The following SYNRG variants were observed in gnomAD, a reference collection of about 807,000 sequenced individuals.
SYNRG encodes the protein AP1 gamma subunit binding protein 1.
SYNRG carries 37 observed loss-of-function variants against 130.9 expected under a neutral mutation model. That is an observed-to-expected ratio of 0.28 (90% CI 0.22 to 0.37). SYNRG has a LOEUF of 0.37. Ranked by LOEUF, SYNRG falls within the 10% of genes least tolerant of loss-of-function variation. SYNRG has a pLI of 1.00. For synonymous variants in SYNRG, 539 were observed against 568.1 expected, an observed-to-expected ratio of 0.95 and a Z score of 0.73; for missense variants, 1,338 against 1,588.9, an observed-to-expected ratio of 0.84 and a Z score of 2.68.
rs375397488 is a variant in SYNRG at position 37,518,921 on chromosome 17, T to A, written c.*19A>T. On this transcript the variant is annotated 3_prime_UTR_variant, in exon 22 of 22. Coordinates refer to ENST00000612223, the MANE Select transcript of SYNRG (RefSeq NM_007247.6). ...GGTGTCACAGAAAAAAAAAAGTCAATGCTTCACAGAGGAGTTGTTCAGAGC... is the reference window on the plus strand; with the variant it reads ...GGTGTCACAGAAAAAAAAAAGTCAAAGCTTCACAGAGGAGTTGTTCAGAGC... 6.2e-7 allele frequency: 1 copy of A among 1,601,260 alleles called. No homozygotes were observed. The highest frequency in any genetic ancestry group is 1.3e-5 in the African/African-American group (1 of 74,228).
chr17:37,596,109 A>G (rs545122176), intron 3 of SYNRG, 114 bp downstream of exon 3: 2 of 1,251,830 alleles, frequency 1.6e-6, no homozygotes, highest in African/African-American at 1.5e-5. Flanking sequence ...GAAGGAAGCC[A>G]TTTATTTATG....
At chr17:37,554,247 T>C (rs1226541735) in intron 13 of SYNRG, among the ~76,000 whole-genome samples, 188 bp from the exon 14 acceptor site, 1 of 152,210 alleles carries the variant, frequency 6.6e-6, no homozygotes, top group East Asian at 1.9e-4. Flanking sequence ...CTAGTGATAC[T>C]GAAATAAATA....
intron 12 of SYNRG, 43 bp from the exon 13 acceptor site, chr17:37,561,300 T>C (rs759328624): frequency 3.1e-6 from 5 of 1,595,774 alleles, no homozygotes. Context: ...TTAGGAATCT[T>C]GAAATCACAG....
chr17:37,584,755 CCTGT>C lies in SYNRG; in HGVS notation c.478_481del (p.Thr160GlufsTer12). On this transcript the variant is annotated frameshift_variant and splice_region_variant, in exon 6 of 22. Coordinates refer to ENST00000612223, the MANE Select transcript of SYNRG (RefSeq NM_007247.6). LOFTEE classifies it high-confidence loss of function. ...CAAAGCATCATCTCTACTCTTCTCTCCTGTCTAAGAGACAACAAATATATGCGTA... is the reference window on the plus strand; with the variant it reads ...CAAAGCATCATCTCTACTCTTCTCTCCTAAGAGACAACAAATATATGCGTA... The C allele has an allele frequency of 6.2e-7, 1 of 1,611,026 alleles. No homozygotes were observed. Among genetic ancestry groups the C allele is most frequent in the Non-Finnish European group, 8.5e-7 (1 of 1,177,542 alleles).
intron 21 of SYNRG, among the ~76,000 whole-genome samples, chr17:37,519,365 A>T (rs2054703048): frequency 6.6e-6 from 1 of 152,188 alleles, no homozygotes; most frequent in Admixed American, 6.5e-5. Flanking sequence ...TGATAAGGGG[A>T]ACTGAAGTAG....
Position 37,540,460 on chromosome 17 carries a change from C to T in SYNRG, c.3286G>A (p.Asp1096Asn). 6.2e-7 allele frequency: 1 copy of T among 1,613,958 alleles called. No individual in the cohort carries two copies. Among genetic ancestry groups the T allele is most frequent in the East Asian group, 2.2e-5 (1 of 44,868 alleles). The change falls in exon 16 of 22, where the codon GAC becomes AAC. Residue 1096 changes from aspartate (D) to asparagine (N), a missense_variant. By Grantham distance (23) the Asp-to-Asn change is conservative. Transcript: ENST00000612223. ...PSPALEQPFR[D>N]RSNTLNEKPA... ...TTCTCATTCAGAGTATTGGAACGGTCTCTGAAAGGCTGCTCCAAAGCTGGA... is the reference window on the plus strand; with the variant it reads ...TTCTCATTCAGAGTATTGGAACGGTTTCTGAAAGGCTGCTCCAAAGCTGGA...
chr17:37,530,838 G>C (rs2056558047), intron 19 of SYNRG, among the ~76,000 whole-genome samples: 1 of 152,212 alleles, frequency 6.6e-6, no homozygotes, highest in South Asian at 2.1e-4. Flanking sequence ...TCCTTAGTCA[G>C]GTGGACTGTC....
At chr17:37,565,524 G>A (rs1451727325) in intron 11 of SYNRG, among the ~76,000 whole-genome samples, 3 of 148,982 alleles carry the variant, frequency 2.0e-5, no homozygotes, top group Middle Eastern at 6.5e-3. Context: ...GATGTGAGGA[G>A]CCCCTCTGCC....
Position 37,516,707 on chromosome 17 carries a change from C to T in SYNRG, c.*2233G>A, listed in dbSNP as rs2054452391. ...GAGACAGTGTCTCGCTCTGTCATCA[C>T]CTACGCTGTCACGTGCAGCCTCAAA... On this transcript the variant is annotated 3_prime_UTR_variant, in exon 22 of 22. Coordinates refer to ENST00000612223, the MANE Select transcript of SYNRG (RefSeq NM_007247.6). 6.6e-6 allele frequency: 1 copy of T among 151,022 alleles called. No individual in the cohort carries two copies. The highest frequency in any genetic ancestry group is 6.6e-5 in the Admixed American group (1 of 15,146). The allele number at this position is 151,022 out of a possible 1,614,324, so 9.4% of individuals were successfully genotyped here.
intron 14 of SYNRG, among the ~76,000 whole-genome samples, chr17:37,551,797 A>C (rs531831392): frequency 1.3e-5 from 2 of 151,802 alleles, no homozygotes; most frequent in African/African-American, 4.8e-5. Context: ...AAAAAAAAAA[A>C]ACCAACAAAA....
intron 1 of SYNRG, among the ~76,000 whole-genome samples, chr17:37,603,051 AC>A (rs2063431114): frequency 6.6e-6 from 1 of 152,134 alleles, no homozygotes; most frequent in Admixed American, 6.5e-5. Context: ...ACAAAACAAA[AC>A]AAAGTAGCAA....
Position 37,579,869 on chromosome 17 carries a change from C to T in SYNRG, c.590-2256G>A, listed in dbSNP as rs2061150904. Among the ~76,000 whole-genome samples, 4 of 152,074 alleles carry T rather than the reference C, an allele frequency of 2.6e-5. No individual in the cohort carries two copies. The South Asian group carries it at 8.3e-4, about 32-fold the overall frequency. Reference sequence around the variant, plus strand: ...AGGAATATAGGCACATGCCAGCATACCCAGCTAATTCTTCCTTTCTTTTTT... The same window carrying T: ...AGGAATATAGGCACATGCCAGCATATCCAGCTAATTCTTCCTTTCTTTTTT... On this transcript the variant is annotated intron_variant, in intron 6 of 21. Coordinates refer to ENST00000612223, the MANE Select transcript of SYNRG (RefSeq NM_007247.6).
At chr17:37,529,622 A>G (rs1413228053) in intron 19 of SYNRG, among the ~76,000 whole-genome samples, 1 of 152,060 alleles carries the variant, frequency 6.6e-6, no homozygotes, top group Non-Finnish European at 1.5e-5. Flanking sequence ...TTGTAGCCAC[A>G]GGAGCTTGGG....
In SYNRG at chr17:37,541,304, A is replaced by G. The variant is rs146480297; in HGVS notation, c.3202+668T>C. 3.1e-6 allele frequency: 3 copies of G among 968,926 alleles called. No individual in the cohort carries two copies. In the African/African-American group the frequency reaches 5.3e-5, roughly 17 times the overall value. 60.0% of individuals were successfully genotyped at this position (968,926 alleles called of 1,614,324 possible). A position where few individuals can be genotyped will look rare whatever the true frequency, so the allele number is the denominator to read the frequency against. ...AGAAGAGGCAAACTCAAATGCCTTC[A>G]GAGACCAGGCAAGTAAAGTGAACAA... On this transcript the variant is annotated intron_variant, in intron 15 of 21. Coordinates refer to ENST00000612223, the MANE Select transcript of SYNRG (RefSeq NM_007247.6).
At chr17:37,565,805 C>T (rs373819136) in intron 11 of SYNRG, among the ~76,000 whole-genome samples, 3 of 150,890 alleles carry the variant, frequency 2.0e-5, no homozygotes, top group African/African-American at 2.4e-5. Context: ...CCCCTCCGCC[C>T]GGCAGCCGCC....
At chr17:37,590,784 G>A (rs1467984614) in intron 3 of SYNRG, among the ~76,000 whole-genome samples, 2 of 152,060 alleles carry the variant, frequency 1.3e-5, no homozygotes, top group Non-Finnish European at 2.9e-5. Flanking sequence ...GCTGGGCAAG[G>A]TGGCGGACAC....
At position 37,609,364 on chromosome 17, in the gene SYNRG, C is replaced by G. The variant is rs1052284785; in HGVS notation, c.-9G>C. 4.2e-6 allele frequency: 6 copies of G among 1,424,294 alleles called. No individual in the cohort carries two copies. Among genetic ancestry groups the G allele is most frequent in the Non-Finnish European group, 2.7e-6 (3 of 1,094,258 alleles). The allele number at this position is 1,424,294 out of a possible 1,614,324, so 88.2% of individuals were successfully genotyped here. On this transcript the variant is annotated 5_prime_UTR_variant, in exon 1 of 22. Transcript: ENST00000612223. The stretch of plus-strand genomic sequence containing the variant: ...CCTGGCCGCAGCGCCATCTTGCTCC[C>G]GACCTGCCGCTGCCTTCGCCGCCGC...
chr17:37,598,364 A>C (rs959537001), intron 2 of SYNRG, among the ~76,000 whole-genome samples: 2 of 152,244 alleles, frequency 1.3e-5, no homozygotes, highest in Non-Finnish European at 2.9e-5. Flanking sequence ...AGACCAAAGA[A>C]CACCAAGTAC....
chr17:37,566,322 TC>T (rs528437615), intron 11 of SYNRG, among the ~76,000 whole-genome samples: 104 of 147,990 alleles, frequency 7.0e-4, no homozygotes, highest in African/African-American at 2.1e-3. Flanking sequence ...ATCCTGTTGA[TC>T]TGTGACCTTA....
Sources: gnomAD v4.1 joint callset for allele counts (sites outside exome capture counted in the v4.1 genomes callset) on GRCh38, gnomAD v4.1.1 for gene constraint, MANE v1.5 for transcripts, NCBI Gene and HGNC (gene_info 2026-07-23, HGNC 2026-07-21) for gene names.